MCEE: variants seen among roughly 807,000 people sequenced by gnomAD.
The protein encoded by MCEE is methylmalonyl-CoA epimerase, mitochondrial.
A neutral mutation model predicts 12.9 loss-of-function variants in MCEE; 6 were observed. The ratio of observed to expected loss-of-function variants is 0.47; its 90% CI spans 0.26 to 0.92. MCEE has a LOEUF of 0.92. Among genes scored for constraint, MCEE ranks in the 40% least tolerant of loss-of-function variants. The probability of loss-of-function intolerance (pLI) is 0.16; values close to 1 mark genes in which losing one functional copy is unlikely to be tolerated. For synonymous variants in MCEE, 78 were observed against 77.9 expected, an observed-to-expected ratio of 1.00 and a Z score of -0.01; for missense variants, 214 against 212.1, an observed-to-expected ratio of 1.01 and a Z score of -0.05.
chr2:71,123,401 G>T (rs1482916720), intron 2 of MCEE, among the ~76,000 whole-genome samples: 1 of 149,994 alleles, frequency 6.7e-6, no homozygotes, highest in Non-Finnish European at 1.5e-5. Flanking sequence ...TGAGGCAGGA[G>T]AATCACTTGA....
Position 71,124,399 on chromosome 2 carries a change from G to A in MCEE, c.185C>T (p.Ala62Val). Residue 62 changes from alanine (A) to valine (V), a missense_variant, in exon 2 of 3, where the codon GCA becomes GTA. By Grantham distance (64) the Ala-to-Val change is moderately conservative. Transcript: ENST00000244217. ...AIAVPDLEKA[A>V]AFYKNILGAQ... ...CCCCAGAATATTCTTATAAAATGCT[G>A]CAGCCTTTTCCAAATCTGGCACTGC... is the stretch of plus-strand genomic sequence containing the variant. 1 of 1,614,148 alleles carries A rather than the reference G, an allele frequency of 6.2e-7. No individual in the cohort carries two copies. Among genetic ancestry groups the A allele is most frequent in the Non-Finnish European group, 8.5e-7 (1 of 1,180,032 alleles).
At chr2:71,121,193 T>C (rs942066666) in intron 2 of MCEE, among the ~76,000 whole-genome samples, 3 of 152,132 alleles carry the variant, frequency 2.0e-5, no homozygotes, top group African/African-American at 4.8e-5. Context: ...TGCAGAGAAG[T>C]GTGTCATGTA....
intron 2 of MCEE, among the ~76,000 whole-genome samples, chr2:71,110,495 C>T (rs1278100524): frequency 6.6e-6 from 1 of 152,098 alleles, no homozygotes; most frequent in Non-Finnish European, 1.5e-5. Context: ...TGAGGTCTAC[C>T]ACATAAATTG....
At chr2:71,123,619 A>G (rs376885926) in intron 2 of MCEE, among the ~76,000 whole-genome samples, 113 of 152,348 alleles carry the variant, frequency 7.4e-4, no homozygotes, top group African/African-American at 2.5e-3. Context: ...TCTAAAAGGC[A>G]GTTATCTGAA....
intron 2 of MCEE, among the ~76,000 whole-genome samples, chr2:71,120,887 G>A (rs1026735844): frequency 2.6e-5 from 4 of 152,000 alleles, no homozygotes; most frequent in East Asian, 1.9e-4. Flanking sequence ...ACAGGTGTGC[G>A]CCGCCACGTC....
intron 2 of MCEE, among the ~76,000 whole-genome samples, chr2:71,113,272 A>G (rs1317876605): frequency 6.6e-6 from 1 of 152,226 alleles, no homozygotes; most frequent in African/African-American, 2.4e-5. Flanking sequence ...TTATATACAG[A>G]AATGTGTATA....
chr2:71,130,114 C>A, intron 1 of MCEE, 66 bp downstream of exon 1: 2 of 1,531,526 alleles, frequency 1.3e-6, no homozygotes, highest in East Asian at 2.3e-5. Flanking sequence ...GAGGCCTCCT[C>A]CGCCCCCGAC....
At chr2:71,120,990 G>A (rs570419694) in intron 2 of MCEE, among the ~76,000 whole-genome samples, 34 of 152,292 alleles carry the variant, frequency 2.2e-4, no homozygotes, top group African/African-American at 7.2e-4. Flanking sequence ...GCCCACCTCG[G>A]CCTCCCAAAG....
Position 71,110,017 on chromosome 2 carries a change from G to T in MCEE, c.484C>A (p.His162Asn), listed in dbSNP as rs1485708584. The change falls in exon 3 of 3, where the codon CAT (histidine) becomes AAT (asparagine). Residue 162 changes from histidine to asparagine, a missense_variant. His to Asn is a moderately conservative substitution (Grantham distance 68). Coordinates refer to ENST00000244217, the MANE Select transcript of MCEE (RefSeq NM_032601.4). The part of the protein sequence containing the change: ...GAHGKPVIFL[H>N]PKDCGGVLVE... ...AGGACTCCACCACAGTCTTTAGGAT[G>T]GAGAAAAATCACTGGTTTTCCATGT... 6.2e-7 allele frequency: 1 copy of T among 1,613,684 alleles called. No homozygotes were observed. Among genetic ancestry groups the T allele is most frequent in the East Asian group, 2.2e-5 (1 of 44,860 alleles).
intron 1 of MCEE, among the ~76,000 whole-genome samples, chr2:71,125,209 A>T (rs75918229): frequency 0.2 from 9,403 of 47,774 alleles, 1,179 homozygotes; most frequent in East Asian, 0.5. Context: ...ATATATATAT[A>T]TATTTTTTTT....
rs954713172 is a variant in MCEE, at chr2:71,124,491, T to C, written c.93A>G (p.Thr31=). The C allele has an allele frequency of 6.2e-7, 1 of 1,614,138 alleles. No individual in the cohort carries two copies. Among genetic ancestry groups the C allele is most frequent in the Non-Finnish European group, 8.5e-7 (1 of 1,180,032 alleles). Residue 31 remains threonine (T), a synonymous_variant, in exon 2 of 3, where the codon ACA becomes ACG. Transcript: ENST00000244217. ...APIPTVRASS[T]SQPLDQVTGS... ...CTGTCACTTGATCCAAGGGCTGTGA[T>C]GTGGAAGAAGCTCTTACTGTTGGAA... is the stretch of plus-strand genomic sequence containing the variant.
In MCEE at chr2:71,124,430, CTA is replaced by C. The variant is rs1558747740; in HGVS notation, c.152_153del (p.Val51GlyfsTer15). On this transcript the variant is annotated frameshift_variant, in exon 2 of 3. Coordinates refer to ENST00000244217, the MANE Select transcript of MCEE (RefSeq NM_032601.4). LOFTEE classifies it high-confidence loss of function. Reference protein sequence around the residue: ...SVWNLGRLNHVAIAVPDLEKA... With the variant: ...SVWNLGRLNHXAIAVPDLEKA... Reference sequence around the variant, plus strand: ...TTTTCCAAATCTGGCACTGCTATGGCTACATGGTTGAGTCGACCCAGGTTCCA... The same window carrying C: ...TTTTCCAAATCTGGCACTGCTATGGCCATGGTTGAGTCGACCCAGGTTCCA... The C allele has an allele frequency of 6.2e-7, 1 of 1,614,160 alleles. No individual in the cohort carries two copies. The highest frequency in any genetic ancestry group is 8.5e-7 in the Non-Finnish European group (1 of 1,180,026).
intron 2 of MCEE, among the ~76,000 whole-genome samples, chr2:71,123,781 T>C (rs983319751): frequency 2.6e-5 from 4 of 152,230 alleles, no homozygotes; most frequent in Non-Finnish European, 4.4e-5. Flanking sequence ...AAGAAGTTAT[T>C]AGCATTTTAA....
In MCEE at chr2:71,109,788, A is replaced by G. The variant is rs1672848157; in HGVS notation, c.*182T>C. The G allele has an allele frequency of 2.7e-6, 1 of 364,070 alleles. No individual in the cohort carries two copies. Among genetic ancestry groups the G allele is most frequent in the African/African-American group, 2.1e-5 (1 of 46,722 alleles). The allele number at this position is 364,070 out of a possible 1,614,324, so 22.6% of individuals were successfully genotyped here. A position where few individuals can be genotyped will look rare whatever the true frequency, so the allele number is the denominator to read the frequency against. On this transcript the variant is annotated 3_prime_UTR_variant, in exon 3 of 3. Coordinates refer to ENST00000244217, the MANE Select transcript of MCEE (RefSeq NM_032601.4). ...TTCAAATTAACAAATATGTTTGTTA[A>G]TCTAAATAATATACATATTTATGTA...
At chr2:71,130,146 C>T in intron 1 of MCEE, 34 bp downstream of exon 1, 1 of 1,602,480 alleles carries the variant, frequency 6.2e-7, no homozygotes, top group South Asian at 1.1e-5. Context: ...CGCTCCCTGT[C>T]CCATGGCGAA....
At position 71,111,628 on chromosome 2, in the gene MCEE, G is replaced by T. The variant is rs114169788; in HGVS notation, c.379-1506C>A. Among the ~76,000 whole-genome samples the T allele has an allele frequency of 4.3e-3, 656 of 152,258 alleles. 5 individuals are homozygous for T. Among genetic ancestry groups the T allele is most frequent in the African/African-American group, 0.015 (628 of 41,536 alleles). On this transcript the variant is annotated intron_variant, in intron 2 of 2. Coordinates refer to ENST00000244217, the MANE Select transcript of MCEE (RefSeq NM_032601.4). ...TGCGTGCAATACTCGAAGCTCCGAT[G>T]AAGACATGAAAGGTACTACAGATCT...
intron 2 of MCEE, among the ~76,000 whole-genome samples, chr2:71,114,144 G>T (rs1009886582): frequency 1.3e-5 from 2 of 152,126 alleles, no homozygotes; most frequent in Non-Finnish European, 2.9e-5. Flanking sequence ...CATGCAAGAG[G>T]AGCCTCAGCA....
intron 2 of MCEE, 54 bp downstream of exon 2, chr2:71,124,152 G>C (rs1673164931): frequency 3.0e-6 from 4 of 1,344,998 alleles, no homozygotes; most frequent in Non-Finnish European, 3.2e-6. Flanking sequence ...AAAAGTAGAA[G>C]ACATTTTTTA....
chr2:71,113,846 C>T (rs1472519899), intron 2 of MCEE, among the ~76,000 whole-genome samples: 1 of 152,128 alleles, frequency 6.6e-6, no homozygotes, highest in Non-Finnish European at 1.5e-5. Flanking sequence ...CACCTCCTCA[C>T]CTGGGAGATC....
Sources: gnomAD v4.1 joint callset for allele counts (sites outside exome capture counted in the v4.1 genomes callset) on GRCh38, gnomAD v4.1.1 for gene constraint, MANE v1.5 for transcripts, NCBI Gene and HGNC (gene_info 2026-07-23, HGNC 2026-07-21) for gene names.